SLA: variants seen among roughly 807,000 people sequenced by gnomAD.
The protein encoded by SLA is src-like-adapter.
Under a neutral mutation model 30.3 loss-of-function variants are expected in SLA, and 16 were observed. The ratio of observed to expected loss-of-function variants is 0.53; its 90% CI spans 0.36 to 0.80. The LOEUF (loss-of-function observed/expected upper bound fraction) is 0.80, where lower values mean the gene tolerates loss of function less well. SLA is among the 30% of genes least tolerant of loss of function. SLA has a pLI of 0.01. For missense variants in SLA, 310 were observed against 345.2 expected (o/e 0.90, Z 0.81); for synonymous variants, 143 against 137.8 (o/e 1.04, Z -0.26).
chr8:133,077,581 T>A (rs7823628), intron 1 of SLA, among the ~76,000 whole-genome samples: 4 of 152,034 alleles, frequency 2.6e-5, no homozygotes, highest in Non-Finnish European at 5.9e-5. Flanking sequence ...GAATGGAGGT[T>A]TTGGCCCTGG....
chr8:133,062,831 G>A (rs1392756674), intron 2 of SLA, among the ~76,000 whole-genome samples: 2 of 152,144 alleles, frequency 1.3e-5, no homozygotes, highest in African/African-American at 2.4e-5. Flanking sequence ...AAGCACACAT[G>A]TGACACGCAC....
At chr8:133,073,897 C>T (rs1844460926) in intron 2 of SLA, among the ~76,000 whole-genome samples, 1 of 152,120 alleles carries the variant, frequency 6.6e-6, no homozygotes. Context: ...ATAACAATCA[C>T]AATCCTATAG....
chr8:133,093,469 G>T (rs1192446512), intron 1 of SLA, among the ~76,000 whole-genome samples: 4 of 152,118 alleles, frequency 2.6e-5, no homozygotes, highest in Non-Finnish European at 5.9e-5. Context: ...TTGTCTAAGC[G>T]GTTAAGGACA....
At chr8:133,081,490 A>T (rs185576437) in intron 1 of SLA, among the ~76,000 whole-genome samples, 272 of 152,292 alleles carry the variant, frequency 1.8e-3, no homozygotes, top group South Asian at 5.2e-3. Flanking sequence ...GTCCATCTGG[A>T]TGAGCTGATT....
chr8:133,083,976 T>C (rs1846123158), intron 1 of SLA, among the ~76,000 whole-genome samples: 1 of 152,234 alleles, frequency 6.6e-6, no homozygotes, highest in Admixed American at 6.5e-5. Context: ...CACTGTCCTC[T>C]GAGAGGTGAC....
chr8:133,067,855 A>G (rs1843260474), intron 2 of SLA, among the ~76,000 whole-genome samples: 1 of 54,766 alleles, frequency 1.8e-5, no homozygotes, highest in African/African-American at 9.4e-5. Flanking sequence ...AGAGAGAGAG[A>G]AAGAAAGAAA....
rs985252126 is a variant in SLA, at chr8:133,037,395, G to A, written c.*1129C>T. Reference sequence around the variant, plus strand: ...CAGACCCTTCTTAGAATAAAGTACCGGGTGAGTTAATTCTTTAGACTGTAT... The same window carrying A: ...CAGACCCTTCTTAGAATAAAGTACCAGGTGAGTTAATTCTTTAGACTGTAT... On this transcript the variant is annotated 3_prime_UTR_variant, in exon 9 of 9. Transcript: ENST00000338087. 5 of 152,044 alleles carry A rather than the reference G, an allele frequency of 3.3e-5. No individual in the cohort carries two copies. The highest frequency in any genetic ancestry group is 3.2e-3 in the Middle Eastern group (1 of 316). 9.4% of individuals were successfully genotyped at this position (152,044 alleles called of 1,614,324 possible).
intron 1 of SLA, among the ~76,000 whole-genome samples, chr8:133,079,648 T>C (rs16904824): frequency 6.6e-6 from 1 of 152,192 alleles, no homozygotes; most frequent in Non-Finnish European, 1.5e-5. Flanking sequence ...TGGTCCAGTA[T>C]GAGCAGATTT....
intron 1 of SLA, among the ~76,000 whole-genome samples, chr8:133,092,350 C>G (rs1458908774): frequency 6.6e-6 from 1 of 152,214 alleles, no homozygotes; most frequent in African/African-American, 2.4e-5. Flanking sequence ...TTGACCTGAA[C>G]TATTTTTAAA....
chr8:133,089,158 G>A (rs11988147), intron 1 of SLA, among the ~76,000 whole-genome samples: 5,476 of 152,190 alleles, frequency 0.036, 331 homozygotes, highest in African/African-American at 0.13. Flanking sequence ...TCACCGATGG[G>A]CTCCCTGACT....
intron 1 of SLA, among the ~76,000 whole-genome samples, chr8:133,092,562 C>G (rs761601983): frequency 6.6e-6 from 1 of 152,140 alleles, no homozygotes; most frequent in Non-Finnish European, 1.5e-5. Flanking sequence ...GCAGAGGACA[C>G]GCTTCTTCAC....
rs1178919118 is a variant in SLA at position 133,067,858 on chromosome 8, GAAA to G, written c.-41+6992_-41+6994del. ...AGAGAGAGACAGAGAGAGAGAGAAA[GAAA>G]GAAAGAAAGGAAGGAAGGAAGGAAG... On this transcript the variant is annotated intron_variant, in intron 2 of 8. Transcript: ENST00000338087. 6.8e-3 allele frequency among the ~76,000 whole-genome samples: 522 copies of G among 76,954 alleles called. 6 individuals are homozygous for G. The highest frequency in any genetic ancestry group is 0.034 in the African/African-American group (503 of 14,806). 50.5% of individuals were successfully genotyped at this position (76,954 alleles called of 152,430 possible).
intron 1 of SLA, among the ~76,000 whole-genome samples, chr8:133,098,788 G>A (rs540733593): frequency 2.0e-5 from 3 of 152,258 alleles, no homozygotes; most frequent in East Asian, 3.9e-4. Flanking sequence ...GCAGATCTGG[G>A]ACCATGGTGT....
chr8:133,096,855 G>A (rs943608824), intron 1 of SLA, among the ~76,000 whole-genome samples: 2 of 152,220 alleles, frequency 1.3e-5, no homozygotes, highest in African/African-American at 2.4e-5. Context: ...TGGCAAACAC[G>A]CAGCTTTGTG....
At chr8:133,042,960 C>T (rs972095219) in intron 7 of SLA, among the ~76,000 whole-genome samples, 1 of 148,332 alleles carries the variant, frequency 6.7e-6, no homozygotes, top group African/African-American at 2.4e-5. Context: ...TCCCAAAGTG[C>T]TGGAATTACA....
chr8:133,043,388 T>G (rs936178478), intron 7 of SLA, among the ~76,000 whole-genome samples: 13 of 152,220 alleles, frequency 8.5e-5, no homozygotes, highest in Non-Finnish European at 8.8e-5. Context: ...AACCAACCTT[T>G]TCTCATAACC....
intron 2 of SLA, among the ~76,000 whole-genome samples, chr8:133,064,963 GA>G (rs1421887232): frequency 1.3e-5 from 2 of 152,194 alleles, no homozygotes; most frequent in African/African-American, 2.4e-5. Flanking sequence ...ATAAAGCCAG[GA>G]ACTGAACCCT....
chr8:133,052,147 A>G (rs1001984554), intron 3 of SLA, among the ~76,000 whole-genome samples: 1 of 152,214 alleles, frequency 6.6e-6, no homozygotes, highest in African/African-American at 2.4e-5. Context: ...CTTACAACTC[A>G]TATGTCTTGC....
Position 133,074,875 on chromosome 8 carries a change from C to T in SLA, c.-63G>A. The T allele has an allele frequency of 1.0e-6, 1 of 985,590 alleles. No individual in the cohort carries two copies. The highest frequency in any genetic ancestry group is 1.2e-6 in the Non-Finnish European group (1 of 830,016). 61.1% of individuals were successfully genotyped at this position (985,590 alleles called of 1,614,324 possible). ...TACCTTCACACACTGGGCATGACTC[C>T]TGTGGGAGCTGTCTGCAGAGGGATT... is the stretch of plus-strand genomic sequence containing the variant. On this transcript the variant is annotated 5_prime_UTR_variant, in exon 2 of 9. Transcript: ENST00000338087.
Sources: gnomAD v4.1 joint callset for allele counts (sites outside exome capture counted in the v4.1 genomes callset) on GRCh38, gnomAD v4.1.1 for gene constraint, MANE v1.5 for transcripts, NCBI Gene and HGNC (gene_info 2026-07-23, HGNC 2026-07-21) for gene names.